The following AKAP19 variants were observed in gnomAD, a reference collection of about 807,000 sequenced individuals.
AKAP19 encodes the protein A-kinase anchoring protein 19.
chr2:189,972,686 G>C, the AKAP19 span, among the ~76,000 whole-genome samples: 1 of 152,092 alleles, frequency 6.6e-6, no homozygotes, highest in African/African-American at 2.4e-5. Flanking sequence ...TCTCCTTGAA[G>C]AGGTCCTTCA....
the AKAP19 span, among the ~76,000 whole-genome samples, chr2:189,889,323 G>A: frequency 3.3e-5 from 5 of 152,164 alleles, no homozygotes; most frequent in Non-Finnish European, 7.3e-5. Flanking sequence ...ATGTGCTGAC[G>A]CATTCGGCTT....
the AKAP19 span, among the ~76,000 whole-genome samples, chr2:190,035,516 C>T: frequency 6.6e-6 from 1 of 152,064 alleles, no homozygotes; most frequent in Non-Finnish European, 1.5e-5. Flanking sequence ...TTGTTCATCA[C>T]TACTCCTGCA....
the AKAP19 span, among the ~76,000 whole-genome samples, chr2:190,176,384 G>A: frequency 2.8e-4 from 43 of 152,302 alleles, no homozygotes; most frequent in African/African-American, 9.9e-4. The surrounding 1 kb of genome is among the most constrained non-coding windows in gnomAD (Gnocchi z 4.7). Context: ...GTCTCGCACT[G>A]TCACCCGGGC....
the AKAP19 span, among the ~76,000 whole-genome samples, chr2:190,072,116 G>C: frequency 6.6e-6 from 1 of 152,158 alleles, no homozygotes; most frequent in Non-Finnish European, 1.5e-5. Context: ...CTGCAACATG[G>C]ATGCAGCTGG....
At chr2:189,930,723 C>T in the AKAP19 span, 2 of 613,784 alleles carry the variant, frequency 3.3e-6, no homozygotes, top group South Asian at 4.0e-5. Flanking sequence ...AAACAAAGTC[C>T]ATCATACAGA....
chr2:189,889,910 G>C, the AKAP19 span, among the ~76,000 whole-genome samples: 1 of 152,022 alleles, frequency 6.6e-6, no homozygotes, highest in African/African-American at 2.4e-5. Context: ...AGGGTTTTTC[G>C]TGTCTCTATC....
At chr2:189,933,906 A>G in the AKAP19 span, among the ~76,000 whole-genome samples, 1 of 152,138 alleles carries the variant, frequency 6.6e-6, no homozygotes, top group Admixed American at 6.5e-5. Context: ...TCTCAGCTAA[A>G]TATGGCATGT....
At chr2:190,096,898 C>T in the AKAP19 span, among the ~76,000 whole-genome samples, 2 of 152,074 alleles carry the variant, frequency 1.3e-5, no homozygotes, top group Non-Finnish European at 2.9e-5. Context: ...GCCCAACTCT[C>T]CCTCGGATCC....
At chr2:189,884,533 C>G in the AKAP19 span, among the ~76,000 whole-genome samples, 1 of 152,100 alleles carries the variant, frequency 6.6e-6, no homozygotes, top group Non-Finnish European at 1.5e-5. Context: ...CAGATGAAAA[C>G]AAGATTCCCA....
chr2:190,184,998 T>C, the AKAP19 span, among the ~76,000 whole-genome samples: 4 of 152,348 alleles, frequency 2.6e-5, no homozygotes, highest in African/African-American at 4.8e-5. Context: ...GAAAGAACTA[T>C]GAAACTTTAA....
chr2:189,929,194 C>T, the AKAP19 span, among the ~76,000 whole-genome samples: 1 of 152,096 alleles, frequency 6.6e-6, no homozygotes, highest in Non-Finnish European at 1.5e-5. Flanking sequence ...TAATAGATAC[C>T]TTTCCAAGAA....
the AKAP19 span, among the ~76,000 whole-genome samples, chr2:190,123,952 C>G: frequency 6.6e-6 from 1 of 152,304 alleles, no homozygotes. Flanking sequence ...ACACTAATAT[C>G]CTACCTTGGA....
the AKAP19 span, chr2:190,180,609 G>C: frequency 5.1e-6 from 5 of 985,718 alleles, no homozygotes; most frequent in Non-Finnish European, 6.0e-6. The surrounding 1 kb of genome is among the most constrained non-coding windows in gnomAD (Gnocchi z 6.8). Flanking sequence ...CAGACCAACC[G>C]GCTGGCAGCC....
At chr2:190,198,369 A>G in the AKAP19 span, among the ~76,000 whole-genome samples, 1 of 152,172 alleles carries the variant, frequency 6.6e-6, no homozygotes, top group Non-Finnish European at 1.5e-5. Flanking sequence ...GGCCAGGCAC[A>G]GTGGCTCACG....
chr2:189,964,605 C>T, the AKAP19 span, among the ~76,000 whole-genome samples: 1 of 152,270 alleles, frequency 6.6e-6, no homozygotes, highest in Non-Finnish European at 1.5e-5. Context: ...TTAGCTAGAT[C>T]TTCTGGATAA....
chr2:189,958,808 G>T, the AKAP19 span, among the ~76,000 whole-genome samples: 1 of 152,006 alleles, frequency 6.6e-6, no homozygotes, highest in Non-Finnish European at 1.5e-5. Flanking sequence ...GAAAGAACTT[G>T]AATGAATCTC....
the AKAP19 span, among the ~76,000 whole-genome samples, chr2:190,081,523 A>G: frequency 5.3e-5 from 8 of 152,184 alleles, no homozygotes; most frequent in Non-Finnish European, 7.3e-5. Context: ...TTTAAGCATT[A>G]ACCATCTTGC....
At chr2:190,129,916 C>G in the AKAP19 span, among the ~76,000 whole-genome samples, 2 of 152,124 alleles carry the variant, frequency 1.3e-5, no homozygotes, top group Admixed American at 1.3e-4. Flanking sequence ...CCCTTCCCAT[C>G]CAGCCCAGGA....
the AKAP19 span, among the ~76,000 whole-genome samples, chr2:190,038,905 TTCTTCTTC>T: frequency 0.01 from 840 of 82,766 alleles, 27 homozygotes; most frequent in African/African-American, 0.025. Flanking sequence ...TCTTTCTTTC[TTCTTCTTC>T]TTCTTCTTCT....
Sources: gnomAD v4.1 joint callset for allele counts (sites outside exome capture counted in the v4.1 genomes callset) on GRCh38, gnomAD v4.1.1 for gene constraint, Gnocchi (gnomAD v3.1) non-coding constraint, MANE v1.5 for transcripts, NCBI Gene and HGNC (gene_info 2026-07-23, HGNC 2026-07-21) for gene names.